The following FLNB variants were observed in gnomAD, a reference collection of about 807,000 sequenced individuals.
FLNB encodes filamin-B.
Under a neutral mutation model 250.6 loss-of-function variants are expected in FLNB, and 111 were observed. That is an observed-to-expected ratio of 0.44 (90% CI 0.38 to 0.52). FLNB has a LOEUF of 0.52. FLNB is among the 20% of genes least tolerant of loss of function. FLNB has a pLI of 0.00. For missense variants in FLNB, 2,869 were observed against 3,447.8 expected, an observed-to-expected ratio of 0.83 and a Z score of 4.20; for synonymous variants, 1,302 against 1,372.1, an observed-to-expected ratio of 0.95 and a Z score of 1.13.
chr3:58,113,439 G>A (rs2097272453), intron 18 of FLNB, among the ~76,000 whole-genome samples: 1 of 152,222 alleles, frequency 6.6e-6, no homozygotes, highest in Admixed American at 6.5e-5. Flanking sequence ...GGTCCTCTCA[G>A]CGAGGAGCAG....
chr3:58,024,237 G>T (rs1265622806), intron 1 of FLNB, among the ~76,000 whole-genome samples: 1 of 152,210 alleles, frequency 6.6e-6, no homozygotes, highest in Non-Finnish European at 1.5e-5. Context: ...AGACCTTGCT[G>T]CTTTCTAGCT....
chr3:58,132,430 T>G, intron 25 of FLNB: 2 of 406,132 alleles, frequency 4.9e-6, no homozygotes, highest in South Asian at 4.4e-5. Flanking sequence ...TGGCAGTGTC[T>G]CAGCTGTAGA....
rs367648404 is a variant in FLNB, at chr3:58,081,632, A to G, written c.643A>G (p.Ile215Val). The change falls in exon 4 of 46, where the codon ATC becomes GTC. Residue 215 changes from isoleucine to valine, a missense_variant. Physicochemically the swap from Ile to Val is conservative, Grantham distance 29. Transcript: ENST00000295956. ...ADDWLGVPQV[I>V]TPEEIIHPDV... ...ATCCACCATGTCATTATCCTAGGTC[A>G]TCACTCCTGAAGAAATCATTCACCC... 1 of 1,613,976 alleles carries G rather than the reference A, an allele frequency of 6.2e-7. No homozygotes were observed. Among genetic ancestry groups the G allele is most frequent in the African/African-American group, 1.3e-5 (1 of 74,922 alleles).
chr3:58,149,602 A>G (rs1376145199), intron 36 of FLNB: 8 of 566,194 alleles, frequency 1.4e-5, no homozygotes, highest in Admixed American at 6.1e-5. Context: ...ATGGGATATT[A>G]GTAAATATCC....
rs1215810606 is a variant in FLNB, at chr3:58,008,556, G to A, written c.-9G>A. The A allele has an allele frequency of 1.3e-6, 2 of 1,580,432 alleles. No homozygotes were observed. The highest frequency in any genetic ancestry group is 1.4e-5 in the African/African-American group (1 of 73,976). On this transcript the variant is annotated 5_prime_UTR_variant, in exon 1 of 46. Transcript: ENST00000295956. ...GCTCGTTGCGCATTGCGCTCTCCCC[G>A]CCACCAGGATGCCGGTAACCGAGAA...
rs556285181 is a variant in FLNB, at chr3:58,047,303, T to C, written c.293-29743T>C. Among the ~76,000 whole-genome samples the C allele has an allele frequency of 5.9e-5, 9 of 152,294 alleles. No homozygotes were observed. In the East Asian group the frequency reaches 1.5e-3, roughly 26 times the overall value. On this transcript the variant is annotated intron_variant, in intron 1 of 45. Transcript: ENST00000295956. ...ATTTATTTTCTAGATGTTTGACTTA[T>C]TTTAACAGTTTTCATTTTAGCAATA...
chr3:58,089,778 T>C lies in FLNB; in HGVS notation c.788-5058T>C, dbSNP rs117098902. ...AGGACAGAGAAAAGAATCCTTCAAC[T>C]GGACAACAATTGGTTGTTTTGTTCT... On this transcript the variant is annotated intron_variant, in intron 4 of 45. Transcript: ENST00000295956. Among the ~76,000 whole-genome samples, 1,051 of 152,250 alleles carry C rather than the reference T, an allele frequency of 6.9e-3. 43 individuals carry two copies. The East Asian group carries it at 0.094, about 14-fold the overall frequency.
chr3:58,027,842 A>T, intron 1 of FLNB, among the ~76,000 whole-genome samples: 1 of 152,242 alleles, frequency 6.6e-6, no homozygotes, highest in East Asian at 1.9e-4. Context: ...TGTCACTATA[A>T]TAACGGAAAA....
intron 1 of FLNB, among the ~76,000 whole-genome samples, chr3:58,073,056 TG>T (rs2097196886): frequency 6.6e-6 from 1 of 152,192 alleles, no homozygotes; most frequent in Non-Finnish European, 1.5e-5. Context: ...TGTGGCCGGA[TG>T]AGACTTCATA....
chr3:58,075,495 T>G (rs1215468706), intron 1 of FLNB, among the ~76,000 whole-genome samples: 3 of 151,900 alleles, frequency 2.0e-5, no homozygotes, highest in Non-Finnish European at 2.9e-5. Context: ...TGCAGTATGG[T>G]GGGTGGAAGT....
At position 58,008,737 on chromosome 3, in the gene FLNB, G is replaced by A. The variant is rs779370264; in HGVS notation, c.173G>A (p.Ser58Asn). The change falls in exon 1 of 46, where the codon AGC (serine) becomes AAC (asparagine). Residue 58 changes from serine to asparagine, a missense_variant. Ser to Asn is a conservative substitution (Grantham distance 46). Coordinates refer to ENST00000295956, the MANE Select transcript of FLNB (RefSeq NM_001457.4). The stretch of plus-strand genomic sequence containing the variant: ...CTCATCGCGCTGCTCGAGGTGCTCA[G>A]CCAGAAGCGCATGTACCGCAAGTAC... ...LRLIALLEVL[S>N]QKRMYRKYHQ... 11 of 1,614,060 alleles carry A rather than the reference G, an allele frequency of 6.8e-6. No homozygotes were observed. In the East Asian group the frequency reaches 2.5e-4, roughly 36 times the overall value.
chr3:58,008,512 C>G lies in FLNB; in HGVS notation c.-53C>G. ...CTCGCTCCTTCGGCCCTTGGGCCTC[C>G]AAACACCAGTCCCCGGCAGCTCGTT... On this transcript the variant is annotated 5_prime_UTR_variant, in exon 1 of 46. Transcript: ENST00000295956. 1 of 1,550,090 alleles carries G rather than the reference C, an allele frequency of 6.5e-7. No homozygotes were observed. Among genetic ancestry groups the G allele is most frequent in the Non-Finnish European group, 8.7e-7 (1 of 1,146,526 alleles).
chr3:58,158,207 A>G (rs2097356206), intron 41 of FLNB, among the ~76,000 whole-genome samples: 2 of 152,218 alleles, frequency 1.3e-5, no homozygotes, highest in African/African-American at 4.8e-5. Context: ...AGCACAGTCC[A>G]ATAGTAGGTT....
intron 27 of FLNB, among the ~76,000 whole-genome samples, chr3:58,135,123 G>A (rs1374982378): frequency 6.6e-6 from 1 of 152,076 alleles, no homozygotes; most frequent in Non-Finnish European, 1.5e-5. Context: ...CCAAAGTGCT[G>A]GGATTGCAGA....
At chr3:58,089,416 G>T (rs1443663039) in intron 4 of FLNB, among the ~76,000 whole-genome samples, 2 of 151,628 alleles carry the variant, frequency 1.3e-5, no homozygotes, top group Non-Finnish European at 2.9e-5. Context: ...TGAGGTGGTG[G>T]GCACCTGTAA....
rs1320117654 is a variant in FLNB at position 58,150,085 on chromosome 3, A to G, written c.6245-20A>G. 3.1e-6 allele frequency: 5 copies of G among 1,614,122 alleles called. No homozygotes were observed. The highest frequency in any genetic ancestry group is 3.3e-5 in the Admixed American group (2 of 60,014). ...CCTTGGCCTCTGGCCTGCTCACAGG[A>G]GCCTTCTTGGGTCTTGCAGGGAGCC... On this transcript the variant is annotated intron_variant, in intron 37 of 45. Coordinates refer to ENST00000295956, the MANE Select transcript of FLNB (RefSeq NM_001457.4).
At position 58,142,525 on chromosome 3, in the gene FLNB, G is replaced by A; in HGVS notation, c.5182-125G>A. On this transcript the variant is annotated intron_variant, in intron 30 of 45. Coordinates refer to ENST00000295956, the MANE Select transcript of FLNB (RefSeq NM_001457.4). This position sits in a 1 kb window ranked among gnomAD's most constrained non-coding sequence, Gnocchi z 4.3. The stretch of plus-strand genomic sequence containing the variant: ...CTTAGACAAAGCCCATACCACAATG[G>A]GCAGCCGCATTCCCAAATCCCGGCC... The A allele has an allele frequency of 1.2e-6, 1 of 809,144 alleles. No homozygotes were observed. The highest frequency in any genetic ancestry group is 2.1e-6 in the Non-Finnish European group (1 of 480,166). The allele number at this position is 809,144 out of a possible 1,614,324, so 50.1% of individuals were successfully genotyped here. A position where few individuals can be genotyped will look rare whatever the true frequency, so the allele number is the denominator to read the frequency against.
rs766881597 is a variant in FLNB at position 58,109,665 on chromosome 3, A to G, written c.2289A>G (p.Thr763=). The change falls in exon 15 of 46, where the codon ACA becomes ACG. Residue 763 remains threonine, a synonymous_variant. Transcript: ENST00000295956. ...ERSGLKANEP[T]HFTVDCTEAG... Reference sequence around the variant, plus strand: ...GTGGTCTGAAGGCAAATGAACCTACACACTTCACGGTGGACTGTACTGAGG... The same window carrying G: ...GTGGTCTGAAGGCAAATGAACCTACGCACTTCACGGTGGACTGTACTGAGG... The G allele has an allele frequency of 1.9e-6, 3 of 1,613,776 alleles. No homozygotes were observed. In the South Asian group the frequency reaches 3.3e-5, roughly 18 times the overall value.
At position 58,123,446 on chromosome 3, in the gene FLNB, A is replaced by G. The variant is rs774898478; in HGVS notation, c.3480A>G (p.Glu1160=). The G allele has an allele frequency of 3.1e-6, 5 of 1,610,818 alleles. No individual in the cohort carries two copies. The highest frequency in any genetic ancestry group is 3.4e-6 in the Non-Finnish European group (4 of 1,177,552). The change falls in exon 21 of 46, where the codon GAA becomes GAG. Residue 1160 remains glutamate, a synonymous_variant. Transcript: ENST00000295956. ...EAGLLSVDCS[E]AGPGALGLEA... ...GCCTCCTTAGCGTCGACTGCTCGGA[A>G]GCGGGACCGGGGGCCCTGGGCCTGG...
Sources: gnomAD v4.1 joint callset for allele counts (sites outside exome capture counted in the v4.1 genomes callset) on GRCh38, gnomAD v4.1.1 for gene constraint, Gnocchi (gnomAD v3.1) non-coding constraint, MANE v1.5 for transcripts, NCBI Gene and HGNC (gene_info 2026-07-23, HGNC 2026-07-21) for gene names.